Variants in VWF observed in about 807,000 individuals in gnomAD.
VWF encodes von Willebrand factor, also known as Factor VIII related antigen.
In VWF, 176 loss-of-function variants were observed where a neutral mutation model predicts 308.6. That is an observed-to-expected ratio of 0.57 (90% confidence interval 0.50 to 0.65). VWF has a LOEUF of 0.65. VWF is among the 30% of genes least tolerant of loss of function. VWF has a pLI of 0.00. For missense variants in VWF, 3,146 were observed against 3,648.2 expected (o/e 0.86, Z 3.55); for synonymous variants, 1,385 against 1,443.4 (o/e 0.96, Z 0.92).
chr12:6,099,516 A>G (rs78325233), intron 5 of VWF, among the ~76,000 whole-genome samples: 13,822 of 152,148 alleles, frequency 0.091, 1,265 homozygotes, highest in African/African-American at 0.24. Context: ...CCCTTCAAAG[A>G]TGAGTTCACA....
chr12:6,016,772 T>C lies in VWF; in HGVS notation c.5152A>G (p.Ile1718Val). Residue 1718 changes from isoleucine to valine, a missense_variant, in exon 29 of 52, where the codon ATT becomes GTT. Around this residue, in one of 3 missense-constraint regions of VWF, gnomAD observed 853 missense variants for 1,177.8 expected, o/e 0.72. Coordinates refer to ENST00000261405, the MANE Select transcript of VWF (RefSeq NM_000552.5). ...CACCCACCTATATTGGCTTTTGAAA[T>C]GAAAGCCTTGGCGAAACTCTTCATT... ...DEMKSFAKAF[I>V]SKANIGPRLT... 1 of 1,614,162 alleles carries C rather than the reference T, an allele frequency of 6.2e-7. No individual in the cohort carries two copies. Among genetic ancestry groups the C allele is most frequent in the Non-Finnish European group, 8.5e-7 (1 of 1,180,048 alleles).
intron 22 of VWF, among the ~76,000 whole-genome samples, chr12:6,027,317 T>C (rs1245500662): frequency 6.6e-6 from 1 of 152,222 alleles, no homozygotes; most frequent in African/African-American, 2.4e-5. Flanking sequence ...CTCCCCTAGA[T>C]ACTGGCATGA....
rs564632964 is a variant in VWF at position 6,075,152 on chromosome 12, G to A, written c.874+183C>T. On this transcript the variant is annotated intron_variant, in intron 7 of 51. Transcript: ENST00000261405. The surrounding 1 kb of genome is among the most constrained non-coding windows in gnomAD (Gnocchi z 4.7). The stretch of plus-strand genomic sequence containing the variant: ...CAGGACACGGGGCTTTGGGAAGCCC[G>A]TTTGACAGAGGGCAGGAGCCATTCA... Among the ~76,000 whole-genome samples, 15 of 152,240 alleles carry A rather than the reference G, an allele frequency of 9.9e-5. No homozygotes were observed. The highest frequency in any genetic ancestry group is 7.7e-4 in the East Asian group (4 of 5,168).
At chr12:5,994,720 C>G (rs1943790128) in intron 35 of VWF, 113 bp from the exon 36 acceptor site, 1 of 905,112 alleles carries the variant, frequency 1.1e-6, no homozygotes, top group Admixed American at 1.9e-5. Flanking sequence ...CAACATCAGC[C>G]ACAAACCTTG....
chr12:6,123,302 G>A (rs1182262282), intron 1 of VWF, 106 bp from the exon 2 acceptor site: 9 of 1,345,946 alleles, frequency 6.7e-6, no homozygotes, highest in Middle Eastern at 1.8e-4. Flanking sequence ...CTTTAAAGCA[G>A]GAGAAAAGAT....
chr12:5,961,394 A>C (rs746805756), intron 47 of VWF, among the ~76,000 whole-genome samples: 14 of 152,164 alleles, frequency 9.2e-5, no homozygotes, highest in Non-Finnish European at 1.6e-4. Context: ...ATACTTAATG[A>C]ATTAATTCCC....
At chr12:5,952,349 A>C in intron 49 of VWF, 42 bp downstream of exon 49, 3 of 1,612,490 alleles carry the variant, frequency 1.9e-6, no homozygotes, top group Non-Finnish European at 2.5e-6. Flanking sequence ...TCTTGTTCTT[A>C]GAGATTGAGA....
In VWF at chr12:6,049,309, G is replaced by A. The variant is rs543537382; in HGVS notation, c.2187-2492C>T. Among the ~76,000 whole-genome samples the A allele has an allele frequency of 1.2e-4, 18 of 152,322 alleles. 1 individual carries two copies. In the South Asian group the frequency reaches 3.3e-3, roughly 28 times the overall value. On this transcript the variant is annotated intron_variant, in intron 16 of 51. Transcript: ENST00000261405. ...CTGCTGAATAGCTTTCAGCCCTGGTGCCTAAAAGAGAGACAAGGAGGACGC... is the reference window on the plus strand; with the variant it reads ...CTGCTGAATAGCTTTCAGCCCTGGTACCTAAAAGAGAGACAAGGAGGACGC...
chr12:5,991,331 A>G (rs1943740611), intron 38 of VWF, among the ~76,000 whole-genome samples: 1 of 152,178 alleles, frequency 6.6e-6, no homozygotes, highest in Non-Finnish European at 1.5e-5. Flanking sequence ...CTGTTTAACT[A>G]TGGTTAGCTG....
Position 6,009,094 on chromosome 12 carries a change from G to A in VWF, c.5842+2523C>T, listed in dbSNP as rs216814. On this transcript the variant is annotated intron_variant, in intron 34 of 51. Coordinates refer to ENST00000261405, the MANE Select transcript of VWF (RefSeq NM_000552.5). ...GCAAAAATAGACAAGTGGGACTACA[G>A]CAAACCAAAAAGCTTCTGTGCAGCC... is the stretch of plus-strand genomic sequence containing the variant. Among the ~76,000 whole-genome samples, 1,124 of 151,894 alleles carry A rather than the reference G, an allele frequency of 7.4e-3. 16 individuals are homozygous for A. Among genetic ancestry groups the A allele is most frequent in the African/African-American group, 0.026 (1,076 of 41,428 alleles).
chr12:5,990,317 C>T (rs1167724679), intron 38 of VWF, among the ~76,000 whole-genome samples: 1 of 152,200 alleles, frequency 6.6e-6, no homozygotes, highest in Non-Finnish European at 1.5e-5. Context: ...TTTATCACCT[C>T]ATGCCATTGA....
In VWF at chr12:6,019,109, C is replaced by T. The variant is rs61750084; in HGVS notation, c.4309G>A (p.Ala1437Thr). 3.7e-6 allele frequency: 6 copies of T among 1,613,762 alleles called. No homozygotes were observed. In the Admixed American group the frequency reaches 1.0e-4, roughly 27 times the overall value. The change falls in exon 28 of 52, where the codon GCC becomes ACC. Residue 1437 changes from alanine (A) to threonine (T), a missense_variant. Transcript: ENST00000261405. This position sits in a 1 kb window ranked among gnomAD's most constrained non-coding sequence, Gnocchi z 5.8. ...LIEKQAPENK[A>T]FVLSSVDELE... ...TCATCCACACTGCTCAGCACGAAGG[C>T]CTTGTTCTCAGGGGCCTGCTTCTCG...
intron 7 of VWF, among the ~76,000 whole-genome samples, chr12:6,074,051 C>T (rs1484787079): frequency 6.6e-6 from 1 of 152,172 alleles, no homozygotes; most frequent in Non-Finnish European, 1.5e-5. Flanking sequence ...ACCTAAAACC[C>T]TTTCAGAGTG....
chr12:6,022,234 G>T (rs1345639145), intron 26 of VWF, among the ~76,000 whole-genome samples, 199 bp from the exon 27 acceptor site: 1 of 151,872 alleles, frequency 6.6e-6, no homozygotes, highest in Non-Finnish European at 1.5e-5. Context: ...TGCAAAACTG[G>T]GAGCGGGGAT....
Position 6,060,411 on chromosome 12 carries a change from C to A in VWF, c.1534-2367G>T, listed in dbSNP as rs1034042652. Among the ~76,000 whole-genome samples the A allele has an allele frequency of 1.3e-5, 2 of 152,020 alleles. No homozygotes were observed. Among genetic ancestry groups the A allele is most frequent in the Admixed American group, 6.5e-5 (1 of 15,274 alleles). Reference sequence around the variant, plus strand: ...CCCCTAGCTGCACCTCCTCTTGCACCGCCTCTGCCCCAGCTGGCCTCCCTC... The same window carrying A: ...CCCCTAGCTGCACCTCCTCTTGCACAGCCTCTGCCCCAGCTGGCCTCCCTC... On this transcript the variant is annotated intron_variant, in intron 13 of 51. Coordinates refer to ENST00000261405, the MANE Select transcript of VWF (RefSeq NM_000552.5). This position sits in a 1 kb window ranked among gnomAD's most constrained non-coding sequence, Gnocchi z 5.1.
intron 36 of VWF, 35 bp from the exon 37 acceptor site, chr12:5,994,238 G>C: frequency 6.2e-7 from 1 of 1,611,596 alleles, no homozygotes; most frequent in Non-Finnish European, 8.5e-7. Flanking sequence ...AAGATAAACT[G>C]AGTGGCCCTG....
At position 6,056,825 on chromosome 12, in the gene VWF, C is replaced by A. The variant is rs1012136665; in HGVS notation, c.1945+32G>T. On this transcript the variant is annotated intron_variant, in intron 15 of 51. Coordinates refer to ENST00000261405, the MANE Select transcript of VWF (RefSeq NM_000552.5). ...ACACGTGGACGGATTTGGGGGGCGG[C>A]CCGGAGGGCTGCGGGCAGGGAGGGC... 100 of 1,356,210 alleles carry A rather than the reference C, an allele frequency of 7.4e-5. 2 individuals are homozygous for A. The East Asian group carries it at 2.7e-3, about 37-fold the overall frequency. The allele number at this position is 1,356,210 out of a possible 1,614,324, so 84.0% of individuals were successfully genotyped here.
At chr12:5,972,947 A>G (rs917859) in intron 43 of VWF, among the ~76,000 whole-genome samples, 101,267 of 152,024 alleles carry the variant, frequency 0.67, 34,481 homozygotes, top group Middle Eastern at 0.78. Context: ...TCATTCTCGT[A>G]CGCCTCTCTA....
chr12:5,988,433 G>A (rs1450351950), intron 38 of VWF, among the ~76,000 whole-genome samples: 2 of 152,156 alleles, frequency 1.3e-5, no homozygotes, highest in Non-Finnish European at 2.9e-5. Flanking sequence ...GAGGGGATGC[G>A]GAAGGAGAGA....
Sources: allele counts gnomAD v4.1 joint callset (sites outside exome capture counted in the v4.1 genomes callset), GRCh38; gene constraint gnomAD v4.1.1; regional missense constraint gnomAD v4.1.1; non-coding constraint Gnocchi (gnomAD v3.1); transcripts MANE v1.5; gene names NCBI Gene and HGNC (gene_info 2026-07-23, HGNC 2026-07-21).